LAMB3: variants seen among roughly 807,000 people sequenced by gnomAD.
The protein encoded by LAMB3 is laminin subunit beta-3.
In LAMB3, 104 loss-of-function variants were observed where a neutral mutation model predicts 140.3. The ratio of observed to expected loss-of-function variants is 0.74; its 90% confidence interval spans 0.63 to 0.87. The LOEUF (loss-of-function observed/expected upper bound fraction) is 0.87, where lower values mean the gene tolerates loss of function less well. Ranked by LOEUF, LAMB3 falls within the 40% of genes least tolerant of loss-of-function variation. The pLI is 0.00. For synonymous variants in LAMB3, 592 were observed against 602.9 expected, an observed-to-expected ratio of 0.98 and a Z score of 0.26; for missense variants, 1,531 against 1,575.2, an observed-to-expected ratio of 0.97 and a Z score of 0.47.
chr1:209,625,602 C>G lies in LAMB3; in HGVS notation c.1976+46G>C, dbSNP rs369013509. The G allele has an allele frequency of 5.0e-6, 8 of 1,612,502 alleles. No individual in the cohort carries two copies. The African/African-American group carries it at 1.1e-4, about 22-fold the overall frequency. On this transcript the variant is annotated intron_variant, in intron 14 of 22. Coordinates refer to ENST00000356082, the MANE Select transcript of LAMB3 (RefSeq NM_000228.3). ...GACCAGCATGCCCGGTACTGGAACC[C>G]CTGGAGCATAATTCTTGCAAATGCT...
At position 209,616,530 on chromosome 1, in the gene LAMB3, A is replaced by C. The variant is rs150859715; in HGVS notation, c.3323T>G (p.Val1108Gly). The C allele has an allele frequency of 2.2e-4, 348 of 1,614,152 alleles. No individual in the cohort carries two copies. The highest frequency in any genetic ancestry group is 2.8e-4 in the Non-Finnish European group (333 of 1,180,016). ...LGEQGARIQS[V>G]KTEAEELFGE... ...AAACAGCTCCTCTGCCTCTGTCTTCACACTCTGGATCCGGGCACCCTGCTC... is the reference window on the plus strand; with the variant it reads ...AAACAGCTCCTCTGCCTCTGTCTTCCCACTCTGGATCCGGGCACCCTGCTC... The change falls in exon 22 of 23, where the codon GTG becomes GGG. Residue 1108 changes from valine to glycine, a missense_variant. By Grantham distance (109) the Val-to-Gly change is moderately radical. Coordinates refer to ENST00000356082, the MANE Select transcript of LAMB3 (RefSeq NM_000228.3).
intron 2 of LAMB3, among the ~76,000 whole-genome samples, chr1:209,650,347 G>A (rs1340025250): frequency 6.6e-6 from 1 of 152,154 alleles, no homozygotes; most frequent in Non-Finnish European, 1.5e-5. Flanking sequence ...AGAAACACTG[G>A]CAACCAAAAA....
At chr1:209,634,298 G>A in intron 6 of LAMB3, 149 bp downstream of exon 6, 1 of 793,504 alleles carries the variant, frequency 1.3e-6, no homozygotes, top group South Asian at 1.5e-5. Context: ...GTGGCCACAG[G>A]GGTCATTACT....
intron 3 of LAMB3, among the ~76,000 whole-genome samples, chr1:209,641,159 C>T (rs1167326580): frequency 6.6e-6 from 1 of 150,720 alleles, no homozygotes; most frequent in Non-Finnish European, 1.5e-5. Flanking sequence ...CTAAATACTT[C>T]TTGAATAAAC....
intron 11 of LAMB3, 53 bp from the exon 12 acceptor site, chr1:209,627,632 C>A: frequency 6.5e-7 from 1 of 1,549,022 alleles, no homozygotes; most frequent in East Asian, 2.3e-5. Context: ...AAAACTCACC[C>A]CCAGAGGACA....
intron 3 of LAMB3, among the ~76,000 whole-genome samples, chr1:209,648,860 T>A (rs190441700): frequency 0.014 from 2,096 of 151,710 alleles, 53 homozygotes; most frequent in African/African-American, 0.045. Context: ...AAAAAAAAAA[T>A]TTTTTTAATT....
intron 3 of LAMB3, among the ~76,000 whole-genome samples, chr1:209,640,535 G>A (rs920706041): frequency 1.7e-4 from 25 of 151,490 alleles, no homozygotes; most frequent in Admixed American, 3.3e-4. Flanking sequence ...GCGACAGAGC[G>A]AGACTCTGTC....
rs748846773 is a variant in LAMB3 at position 209,623,736 on chromosome 1, A to G, written c.2138-11T>C. 2.4e-5 allele frequency: 39 copies of G among 1,613,782 alleles called. No homozygotes were observed. In the East Asian group the frequency reaches 8.7e-4, roughly 36 times the overall value. ...GCATCCGGAAGGCTCCTGTGGCGAG[A>G]AGCATGAGGAATGGAGATGGAGGAG... is the stretch of plus-strand genomic sequence containing the variant. On this transcript the variant is annotated splice_polypyrimidine_tract_variant and intron_variant, in intron 15 of 22. Coordinates refer to ENST00000356082, the MANE Select transcript of LAMB3 (RefSeq NM_000228.3). This position sits in a 1 kb window ranked among gnomAD's most constrained non-coding sequence, Gnocchi z 4.2.
rs747157392 is a variant in LAMB3 at position 209,623,088 on chromosome 1, C to G, written c.2450G>C (p.Arg817Pro). The G allele has an allele frequency of 6.2e-7, 1 of 1,614,202 alleles. No homozygotes were observed. Among genetic ancestry groups the G allele is most frequent in the Non-Finnish European group, 8.5e-7 (1 of 1,180,038 alleles). ...GGCCCTGGGAAGGACACCCCTGCAG[C>G]GGGAGCCACAGGCTGTGCCATTGTC... ...PQDNGTACGS[R>P]CRGVLPRAGG... Residue 817 changes from arginine to proline, a missense_variant, in exon 17 of 23, where the codon CGC (arginine) becomes CCC (proline). By Grantham distance (103) the Arg-to-Pro change is moderately radical (BLOSUM62 -2). Coordinates refer to ENST00000356082, the MANE Select transcript of LAMB3 (RefSeq NM_000228.3). The surrounding 1 kb of genome is among the most constrained non-coding windows in gnomAD (Gnocchi z 4.2).
chr1:209,625,693 G>A lies in LAMB3; in HGVS notation c.1931C>T (p.Thr644Ile), dbSNP rs1372675849. ...IRAVLSSPAVTEQEVAQVASA... is the reference protein window; with the variant it reads ...IRAVLSSPAVIEQEVAQVASA... ...GGCCACCTGAGCCACCTCCTGCTCT[G>A]TGACTGCGGGGCTGCTGAGAACTGC... The change falls in exon 14 of 23, where the codon ACA (threonine) becomes ATA (isoleucine). Residue 644 changes from threonine to isoleucine, a missense_variant. Transcript: ENST00000356082. 2.5e-6 allele frequency: 4 copies of A among 1,614,060 alleles called. No homozygotes were observed. The Admixed American group carries it at 6.7e-5, about 27-fold the overall frequency.
At position 209,634,583 on chromosome 1, in the gene LAMB3, C is replaced by T. The variant is rs2102438650; in HGVS notation, c.428G>A (p.Trp143Ter). 1 of 1,614,136 alleles carries T rather than the reference C, an allele frequency of 6.2e-7. No homozygotes were observed. Among genetic ancestry groups the T allele is most frequent in the South Asian group, 1.1e-5 (1 of 91,080 alleles). ...IERSSDFGKT[W>*]RVYQYLAADC... The stretch of plus-strand genomic sequence containing the variant: ...GGCAGCCAGGTACTGGTACACTCGC[C>T]AGGTCTTACCGAAGTCTGAGGAGCG... Residue 143 changes from tryptophan (W) to a stop codon, truncating the protein, a stop_gained, in exon 6 of 23, where the codon TGG becomes TAG. Coordinates refer to ENST00000356082, the MANE Select transcript of LAMB3 (RefSeq NM_000228.3). LOFTEE classifies it high-confidence loss of function.
chr1:209,637,901 G>A lies in LAMB3; in HGVS notation c.372+7C>T, dbSNP rs767311475. 3.7e-6 allele frequency: 6 copies of A among 1,610,826 alleles called. No homozygotes were observed. In the East Asian group the frequency reaches 1.1e-4, roughly 30 times the overall value. On this transcript the variant is annotated splice_region_variant and intron_variant, in intron 5 of 22. Transcript: ENST00000356082. ...CTCCTATCCACTGCCACCCCCAGGAGGCACACCTGGAACTCCATCATGACT... is the reference window on the plus strand; with the variant it reads ...CTCCTATCCACTGCCACCCCCAGGAAGCACACCTGGAACTCCATCATGACT...
intron 3 of LAMB3, 44 bp from the exon 4 acceptor site, chr1:209,638,692 A>G: frequency 7.6e-7 from 1 of 1,319,960 alleles, no homozygotes; most frequent in Non-Finnish European, 1.1e-6. Context: ...TGGGGTCCTG[A>G]TAGAATTCCC....
intron 14 of LAMB3, among the ~76,000 whole-genome samples, chr1:209,625,216 G>C (rs569631805): frequency 6.6e-6 from 1 of 152,252 alleles, no homozygotes; most frequent in South Asian, 2.1e-4. Context: ...CACTAAGAAG[G>C]CACCTCTGCT....
rs202095584 is a variant in LAMB3, at chr1:209,626,956, C to T, written c.1508G>A (p.Arg503Gln). 28 of 1,613,384 alleles carry T rather than the reference C, an allele frequency of 1.7e-5. No homozygotes were observed. The African/African-American group carries it at 1.9e-4, about 11-fold the overall frequency. ...GCACATCAGGCCACCAAAGCCTTCC[C>T]GACAGGGGCACTGCCCTGTGAACTG... ...CNQFTGQCPC[R>Q]EGFGGLMCSA... Residue 503 changes from arginine to glutamine, a missense_variant, in exon 13 of 23, where the codon CGG (arginine) becomes CAG (glutamine). Physicochemically the swap from Arg to Gln is conservative, Grantham distance 43 (BLOSUM62 1). Coordinates refer to ENST00000356082, the MANE Select transcript of LAMB3 (RefSeq NM_000228.3).
intron 3 of LAMB3, among the ~76,000 whole-genome samples, chr1:209,647,265 G>C (rs553181057): frequency 2.0e-5 from 3 of 152,322 alleles, no homozygotes; most frequent in African/African-American, 7.2e-5. Flanking sequence ...CATGCAAACA[G>C]GCTAAGACTG....
Position 209,632,655 on chromosome 1 carries a change from GCAGCT to G in LAMB3, c.745_749del (p.Ser249LeufsTer7). 1 of 1,614,148 alleles carries G rather than the reference GCAGCT, an allele frequency of 6.2e-7. No homozygotes were observed. Among genetic ancestry groups the G allele is most frequent in the Non-Finnish European group, 8.5e-7 (1 of 1,179,986 alleles). On this transcript the variant is annotated frameshift_variant, in exon 8 of 23. Transcript: ENST00000356082. LOFTEE classifies it high-confidence loss of function. ...AGCGATCAGCATGGCCGTGACAGAA[GCAGCT>G]CCCCTGCAGACGGAGCTGGGACACA...
intron 18 of LAMB3, among the ~76,000 whole-genome samples, chr1:209,618,965 G>T (rs1432278004): frequency 6.6e-6 from 1 of 152,218 alleles, no homozygotes; most frequent in African/African-American, 2.4e-5. Context: ...GAAGGAGGTG[G>T]TGCCAGACAG....
rs565264503 is a variant in LAMB3 at position 209,615,333 on chromosome 1, G to A, written c.3457C>T (p.Arg1153Cys). 41 of 1,613,868 alleles carry A rather than the reference G, an allele frequency of 2.5e-5. No individual in the cohort carries two copies. Among genetic ancestry groups the A allele is most frequent in the Admixed American group, 1.0e-4 (6 of 60,010 alleles). The change falls in exon 23 of 23, where the codon CGT (arginine) becomes TGT (cysteine). Residue 1153 changes from arginine (R) to cysteine (C), a missense_variant. Arg to Cys is a radical substitution (Grantham distance 180, BLOSUM62 -3). Coordinates refer to ENST00000356082, the MANE Select transcript of LAMB3 (RefSeq NM_000228.3). ...ATGTGGTCACGGATCTGCTCCACACGCTTCTCCAGTCCTGTCAGGTCCGCT... is the reference window on the plus strand; with the variant it reads ...ATGTGGTCACGGATCTGCTCCACACACTTCTCCAGTCCTGTCAGGTCCGCT... ...RSADLTGLEK[R>C]VEQIRDHING...
Sources: allele counts gnomAD v4.1 joint callset (sites outside exome capture counted in the v4.1 genomes callset), GRCh38; gene constraint gnomAD v4.1.1; non-coding constraint Gnocchi (gnomAD v3.1); transcripts MANE v1.5; gene names NCBI Gene and HGNC (gene_info 2026-07-23, HGNC 2026-07-21).